Variants in AGPAT4 observed in about 807,000 individuals in gnomAD.
AGPAT4 encodes the protein 1-acyl-sn-glycerol-3-phosphate acyltransferase delta.
A neutral mutation model predicts 48.0 loss-of-function variants in AGPAT4; 15 were observed. That is an observed-to-expected ratio of 0.31 (90% CI 0.21 to 0.48). AGPAT4 has a LOEUF of 0.48. Ranked by LOEUF, AGPAT4 falls within the 20% of genes least tolerant of loss-of-function variation. The probability of loss-of-function intolerance (pLI) is 0.99; values close to 1 mark genes in which losing one functional copy is unlikely to be tolerated. For missense variants in AGPAT4, 314 were observed against 482.5 expected (o/e 0.65, Z 3.27); for synonymous variants, 178 against 198.7 (o/e 0.90, Z 0.88).
intron 1 of AGPAT4, among the ~76,000 whole-genome samples, chr6:161,268,460 C>T (rs1241494368): frequency 6.6e-6 from 1 of 152,184 alleles, no homozygotes; most frequent in Non-Finnish European, 1.5e-5. Flanking sequence ...TCCCTCCCCT[C>T]ACCCCACTCT....
rs888572912 is a variant in AGPAT4, at chr6:161,216,767, A to G, written c.178+15269T>C. Among the ~76,000 whole-genome samples, 1 of 152,220 alleles carries G rather than the reference A, an allele frequency of 6.6e-6. No individual in the cohort carries two copies. The highest frequency in any genetic ancestry group is 6.5e-5 in the Admixed American group (1 of 15,284). The stretch of plus-strand genomic sequence containing the variant: ...AAAGAAGCAAAAGCGGAGACCCCTG[A>G]TAAACCCATCAGATCTCGTGAGACT... On this transcript the variant is annotated intron_variant, in intron 2 of 8. Coordinates refer to ENST00000320285, the MANE Select transcript of AGPAT4 (RefSeq NM_020133.3). This position sits in a 1 kb window ranked among gnomAD's most constrained non-coding sequence, Gnocchi z 4.8.
At position 161,189,563 on chromosome 6, in the gene AGPAT4, C is replaced by A. The variant is rs1272644562; in HGVS notation, c.179-23146G>T. On this transcript the variant is annotated intron_variant, in intron 2 of 8. Coordinates refer to ENST00000320285, the MANE Select transcript of AGPAT4 (RefSeq NM_020133.3). The surrounding 1 kb of genome is among the most constrained non-coding windows in gnomAD (Gnocchi z 5.3). ...CTGCACAGATGAAGAAGCTGAGGCT[C>A]TGAAAGTCTTAGCAACTTGCCCCAG... Among the ~76,000 whole-genome samples the A allele has an allele frequency of 6.6e-6, 1 of 152,208 alleles. No homozygotes were observed. The highest frequency in any genetic ancestry group is 1.5e-5 in the Non-Finnish European group (1 of 68,034).
chr6:161,185,147 A>G (rs1047366407), intron 2 of AGPAT4, among the ~76,000 whole-genome samples: 3 of 151,858 alleles, frequency 2.0e-5, no homozygotes, highest in African/African-American at 7.3e-5. Flanking sequence ...ATGTTTAAAA[A>G]AAAAAAAAAA....
intron 2 of AGPAT4, among the ~76,000 whole-genome samples, chr6:161,230,899 T>C (rs1218764412): frequency 6.6e-6 from 1 of 152,236 alleles, no homozygotes; most frequent in Non-Finnish European, 1.5e-5. Context: ...TTGCAAGTTC[T>C]GAGTTGGTGA....
Position 161,217,460 on chromosome 6 carries a change from T to G in AGPAT4, c.178+14576A>C, listed in dbSNP as rs1325799548. On this transcript the variant is annotated intron_variant, in intron 2 of 8. Transcript: ENST00000320285. This position sits in a 1 kb window ranked among gnomAD's most constrained non-coding sequence, Gnocchi z 4.9. ...GCCTGTCACAACGTTGCAGGCGATA[T>G]CCAAGCCCAAAAGACATGCTTCTCC... Among the ~76,000 whole-genome samples the G allele has an allele frequency of 6.6e-6, 1 of 152,166 alleles. No individual in the cohort carries two copies. Among genetic ancestry groups the G allele is most frequent in the Non-Finnish European group, 1.5e-5 (1 of 68,018 alleles).
chr6:161,170,471 GCGCACACA>G (rs1298610398), intron 2 of AGPAT4, among the ~76,000 whole-genome samples: 6,022 of 113,674 alleles, frequency 0.053, 137 homozygotes, highest in Non-Finnish European at 0.067. Context: ...ACGTGCGCGC[GCGCACACA>G]CACACACACA....
intron 2 of AGPAT4, among the ~76,000 whole-genome samples, chr6:161,176,779 C>T (rs1049819647): frequency 2.6e-5 from 4 of 152,106 alleles, no homozygotes; most frequent in Non-Finnish European, 5.9e-5. Flanking sequence ...TGGCTGGTAC[C>T]GGTTGTTCCA....
rs1296376003 is a variant in AGPAT4, at chr6:161,189,444, T to C, written c.179-23027A>G. The stretch of plus-strand genomic sequence containing the variant: ...GGGTGAAGAGAGAACCCACATGTAT[T>C]GTACACACACTGTAGCCACACAGTG... On this transcript the variant is annotated intron_variant, in intron 2 of 8. Transcript: ENST00000320285. The surrounding 1 kb of genome is among the most constrained non-coding windows in gnomAD (Gnocchi z 5.3). Among the ~76,000 whole-genome samples the C allele has an allele frequency of 3.3e-5, 5 of 152,280 alleles. No individual in the cohort carries two copies. The highest frequency in any genetic ancestry group is 4.2e-4 in the South Asian group (2 of 4,806).
chr6:161,268,304 T>C (rs1177504924), intron 1 of AGPAT4, among the ~76,000 whole-genome samples: 1 of 152,290 alleles, frequency 6.6e-6, no homozygotes, highest in Middle Eastern at 3.4e-3. Flanking sequence ...TGGCATAAAC[T>C]AGACTGAGGC....
chr6:161,203,302 T>C (rs1311216184), intron 2 of AGPAT4, among the ~76,000 whole-genome samples: 1 of 151,964 alleles, frequency 6.6e-6, no homozygotes, highest in Non-Finnish European at 1.5e-5. Context: ...ATGTAACCCA[T>C]GCTCAACAAG....
chr6:161,157,368 A>C (rs1779793405), intron 3 of AGPAT4, among the ~76,000 whole-genome samples: 4 of 152,246 alleles, frequency 2.6e-5, no homozygotes, highest in Non-Finnish European at 1.5e-5. Flanking sequence ...GCTGGAGTGC[A>C]ATGGCACAAT....
rs151151662 is a variant in AGPAT4, at chr6:161,246,600, G to A, written c.-89-14298C>T. 1.8e-3 allele frequency among the ~76,000 whole-genome samples: 271 copies of A among 152,040 alleles called. 8 individuals carry two copies. In the East Asian group the frequency reaches 0.049, roughly 28 times the overall value. On this transcript the variant is annotated intron_variant, in intron 1 of 8. Transcript: ENST00000320285. The surrounding 1 kb of genome is among the most constrained non-coding windows in gnomAD (Gnocchi z 5.5). ...AATTTTGTATTTTTAGTCTAGATGG[G>A]GTTTCTCCATGTTGGTCAGGCTGGT... is the stretch of plus-strand genomic sequence containing the variant.
At chr6:161,228,733 A>C (rs779327794) in intron 2 of AGPAT4, among the ~76,000 whole-genome samples, 19 of 149,812 alleles carry the variant, frequency 1.3e-4, no homozygotes, top group Non-Finnish European at 1.5e-5. Context: ...CTTAGTGGAA[A>C]GGCAATGAAA....
At chr6:161,179,654 C>A (rs10455875) in intron 2 of AGPAT4, among the ~76,000 whole-genome samples, 22,692 of 152,120 alleles carry the variant, frequency 0.15, 1,885 homozygotes, top group Non-Finnish European at 0.19. Context: ...CCTGAGACAG[C>A]AAGACCAACC....
rs1778868501 is a variant in AGPAT4, at chr6:161,130,600, C to T, written c.*5940G>A. On this transcript the variant is annotated 3_prime_UTR_variant, in exon 9 of 9. Transcript: ENST00000320285. Reference sequence around the variant, plus strand: ...TCCCTGACCTGAACCGGGTGTGTTCCACCCTTGCCCATGGTTAGATCTCTT... The same window carrying T: ...TCCCTGACCTGAACCGGGTGTGTTCTACCCTTGCCCATGGTTAGATCTCTT... 4.2e-6 allele frequency: 1 copy of T among 238,888 alleles called. No homozygotes were observed. Among genetic ancestry groups the T allele is most frequent in the Admixed American group, 4.5e-5 (1 of 22,282 alleles). The allele number at this position is 238,888 out of a possible 1,614,324, so 14.8% of individuals were successfully genotyped here. A position where few individuals can be genotyped will look rare whatever the true frequency, so the allele number is the denominator to read the frequency against.
chr6:161,216,057 A>G lies in AGPAT4; in HGVS notation c.178+15979T>C, dbSNP rs1781638459. ...AGTTGACGAGGATTAAAGAAAACAA[A>G]CAAAAAATACCTTTCAGCTAAAGCC... On this transcript the variant is annotated intron_variant, in intron 2 of 8. Coordinates refer to ENST00000320285, the MANE Select transcript of AGPAT4 (RefSeq NM_020133.3). The surrounding 1 kb of genome is among the most constrained non-coding windows in gnomAD (Gnocchi z 4.8). Among the ~76,000 whole-genome samples, 1 of 152,222 alleles carries G rather than the reference A, an allele frequency of 6.6e-6. No homozygotes were observed. Among genetic ancestry groups the G allele is most frequent in the Non-Finnish European group, 1.5e-5 (1 of 68,044 alleles).
chr6:161,179,221 C>T (rs554273046), intron 2 of AGPAT4, among the ~76,000 whole-genome samples: 18 of 152,276 alleles, frequency 1.2e-4, no homozygotes, highest in African/African-American at 4.1e-4. Flanking sequence ...TTCCAACATG[C>T]GTGGGTTGTG....
In AGPAT4 at chr6:161,225,798, C is replaced by T. The variant is rs1034936036; in HGVS notation, c.178+6238G>A. ...GGAAAAGGTTGTCCCAACAGATAAA[C>T]TCGTGGGCCGCTTGCTCAGTCCAGG... On this transcript the variant is annotated intron_variant, in intron 2 of 8. Transcript: ENST00000320285. This position sits in a 1 kb window ranked among gnomAD's most constrained non-coding sequence, Gnocchi z 5.0. Among the ~76,000 whole-genome samples, 4 of 152,198 alleles carry T rather than the reference C, an allele frequency of 2.6e-5. No individual in the cohort carries two copies. Among genetic ancestry groups the T allele is most frequent in the African/African-American group, 9.6e-5 (4 of 41,462 alleles).
intron 1 of AGPAT4, among the ~76,000 whole-genome samples, chr6:161,247,313 A>G (rs1157112149): frequency 6.6e-6 from 1 of 152,234 alleles, no homozygotes; most frequent in African/African-American, 2.4e-5. Context: ...TCACTCCATT[A>G]TAACAGTAAT....
Sources: allele counts gnomAD v4.1 joint callset (sites outside exome capture counted in the v4.1 genomes callset), GRCh38; gene constraint gnomAD v4.1.1; non-coding constraint Gnocchi (gnomAD v3.1); transcripts MANE v1.5; gene names NCBI Gene and HGNC (gene_info 2026-07-23, HGNC 2026-07-21).